Variants in NRG1 observed in about 807,000 individuals in gnomAD.
NRG1 encodes neuregulin 1, also known as pro-neuregulin-1, membrane-bound isoform.
Under a neutral mutation model 63.8 loss-of-function variants are expected in NRG1, and 18 were observed. That is an observed-to-expected ratio of 0.28 (90% CI 0.19 to 0.42). NRG1 has a LOEUF of 0.42. NRG1 is among the 10% of genes least tolerant of loss of function. The pLI is 1.00. For missense variants in NRG1, 762 were observed against 814.7 expected, an observed-to-expected ratio of 0.94 and a Z score of 0.79; for synonymous variants, 302 against 301.3, an observed-to-expected ratio of 1.00 and a Z score of -0.02.
chr8:31,999,348 G>T (rs183465400), intron 1 of NRG1, among the ~76,000 whole-genome samples: 1 of 151,960 alleles, frequency 6.6e-6, no homozygotes, highest in East Asian at 1.9e-4. Context: ...CTTAAATTAT[G>T]TATCTAAATA....
intron 1 of NRG1, among the ~76,000 whole-genome samples, chr8:31,854,207 C>T (rs974636322): frequency 6.6e-6 from 1 of 151,370 alleles, no homozygotes; most frequent in Non-Finnish European, 1.5e-5. Context: ...CTCCTTGTAC[C>T]TCTGGTAGAA....
chr8:32,605,841 A>C (rs753323530), intron 3 of NRG1, among the ~76,000 whole-genome samples, 158 bp downstream of exon 3: 1 of 152,150 alleles, frequency 6.6e-6, no homozygotes, highest in Non-Finnish European at 1.5e-5. Context: ...TATGTCTTTC[A>C]TAAATTTCTG....
At chr8:31,639,416 C>A (rs1803512425) in exon 1 of NRG1, 5 of 1,534,810 alleles carry the variant, frequency 3.3e-6, no homozygotes, top group East Asian at 2.5e-5. Context: ...ACGCGCGGGC[C>A]GAGTTGGCAC....
chr8:32,063,925 G>A (rs1027866921), intron 1 of NRG1, among the ~76,000 whole-genome samples: 2 of 152,052 alleles, frequency 1.3e-5, no homozygotes, highest in African/African-American at 4.8e-5. Context: ...CATGCCTGGA[G>A]ATGACACACA....
chr8:32,071,225 T>G (rs2131032922), intron 1 of NRG1, among the ~76,000 whole-genome samples: 1 of 152,344 alleles, frequency 6.6e-6, no homozygotes, highest in South Asian at 2.1e-4. Context: ...CCTTGGAATT[T>G]CCCATCCTTA....
intron 1 of NRG1, among the ~76,000 whole-genome samples, chr8:32,067,209 G>A (rs569587130): frequency 1.3e-5 from 2 of 152,234 alleles, no homozygotes; most frequent in East Asian, 1.9e-4. Context: ...GCCCTGGCCA[G>A]AACTTCCAAC....
chr8:32,300,606 G>A (rs1855474429), intron 1 of NRG1, among the ~76,000 whole-genome samples: 1 of 152,218 alleles, frequency 6.6e-6, no homozygotes, highest in African/African-American at 2.4e-5. Context: ...GGTGGCTGCA[G>A]TTGATTATTA....
At chr8:32,048,936 T>C (rs1388934273) in intron 1 of NRG1, among the ~76,000 whole-genome samples, 1 of 151,992 alleles carries the variant, frequency 6.6e-6, no homozygotes, top group East Asian at 1.9e-4. Context: ...TGGGATGGTT[T>C]AAGGGAGGCC....
At chr8:32,404,024 T>G (rs1287544955) in intron 1 of NRG1, among the ~76,000 whole-genome samples, 3 of 152,158 alleles carry the variant, frequency 2.0e-5, no homozygotes, top group Non-Finnish European at 4.4e-5. Context: ...CACCTTACAC[T>G]TTTCATTTAA....
chr8:31,831,743 C>T (rs2129605936), intron 1 of NRG1, among the ~76,000 whole-genome samples: 1 of 152,240 alleles, frequency 6.6e-6, no homozygotes, highest in South Asian at 2.1e-4. Flanking sequence ...GATATTGCCT[C>T]TCCTCCCACA....
At chr8:32,221,454 C>G (rs1174486723) in intron 1 of NRG1, among the ~76,000 whole-genome samples, 1 of 152,060 alleles carries the variant, frequency 6.6e-6, no homozygotes, top group African/African-American at 2.4e-5. Flanking sequence ...TGATTTAACT[C>G]GCATATTCAG....
chr8:31,808,424 C>G (rs1822510123), intron 1 of NRG1, among the ~76,000 whole-genome samples: 1 of 152,008 alleles, frequency 6.6e-6, no homozygotes, highest in Non-Finnish European at 1.5e-5. Flanking sequence ...TAATTTAGCC[C>G]ATTCACATTT....
intron 1 of NRG1, among the ~76,000 whole-genome samples, chr8:32,518,902 C>G (rs902919979): frequency 2.0e-5 from 3 of 152,100 alleles, no homozygotes; most frequent in African/African-American, 7.2e-5. Context: ...ATTTCAGGAG[C>G]ATTAACTAGT....
intron 1 of NRG1, among the ~76,000 whole-genome samples, chr8:32,433,230 T>A (rs1818376138): frequency 6.6e-6 from 1 of 152,186 alleles, no homozygotes; most frequent in African/African-American, 2.4e-5. Context: ...TGATGAGACA[T>A]CAGGAAAATA....
At chr8:32,669,520 G>T (rs774206753) in intron 5 of NRG1, among the ~76,000 whole-genome samples, 9 of 152,126 alleles carry the variant, frequency 5.9e-5, no homozygotes, top group Non-Finnish European at 1.2e-4. Context: ...AAAACCCAAT[G>T]GCTAACCGTG....
intron 1 of NRG1, among the ~76,000 whole-genome samples, chr8:32,569,969 G>A (rs534222926): frequency 6.8e-5 from 10 of 147,080 alleles, no homozygotes; most frequent in Admixed American, 3.4e-4. Context: ...GTGCAGTGGC[G>A]CGATCTTGGC....
At chr8:31,824,040 T>C (rs1824278470) in intron 1 of NRG1, among the ~76,000 whole-genome samples, 1 of 152,172 alleles carries the variant, frequency 6.6e-6, no homozygotes, top group South Asian at 2.1e-4. Context: ...TATTATACTT[T>C]AAGTTTTAGG....
chr8:32,052,927 TCAGCTCAA>T (rs1822226196), intron 1 of NRG1, among the ~76,000 whole-genome samples: 1 of 152,186 alleles, frequency 6.6e-6, no homozygotes, highest in Non-Finnish European at 1.5e-5. Context: ...GCTGCCCTTT[TCAGCTCAA>T]CATTTGATCT....
intron 1 of NRG1, among the ~76,000 whole-genome samples, chr8:31,996,158 G>A (rs569912655): frequency 9.2e-5 from 14 of 151,522 alleles, no homozygotes; most frequent in Admixed American, 5.3e-4. Context: ...CATTTAACAG[G>A]CCTCATTTCT....
Sources: gnomAD v4.1 joint callset for allele counts (sites outside exome capture counted in the v4.1 genomes callset) on GRCh38, gnomAD v4.1.1 for gene constraint, MANE v1.5 for transcripts, NCBI Gene and HGNC (gene_info 2026-07-23, HGNC 2026-07-21) for gene names.